AGBL4: variants seen among roughly 807,000 people sequenced by gnomAD.
The protein encoded by AGBL4 is cytosolic carboxypeptidase 6.
In AGBL4, 58 loss-of-function variants were observed where a neutral mutation model predicts 66.4. That is an observed-to-expected ratio of 0.87 (90% CI 0.71 to 1.09). The LOEUF (loss-of-function observed/expected upper bound fraction) is 1.09. Among genes scored for constraint, AGBL4 ranks in the 50% least tolerant of loss-of-function variants. AGBL4 has a pLI of 0.00. For missense variants in AGBL4, 579 were observed against 631.0 expected, an observed-to-expected ratio of 0.92 and a Z score of 0.88; for synonymous variants, 234 against 222.9, an observed-to-expected ratio of 1.05 and a Z score of -0.44.
chr1:49,512,553 CT>C (rs1031565839), intron 3 of AGBL4, among the ~76,000 whole-genome samples: 67 of 151,900 alleles, frequency 4.4e-4, no homozygotes, highest in African/African-American at 1.5e-3. Flanking sequence ...GCCACCCCCC[CT>C]CTTTCCTACT....
rs543129784 is a variant in AGBL4, at chr1:49,603,202, T to A, written c.282+94111A>T. ...GAAGTGGTGGTAAAGGAGAGGAGGG[T>A]CAGAACTAAGTAATATTATATAGGG... On this transcript the variant is annotated intron_variant, in intron 3 of 13. Coordinates refer to ENST00000371839, the MANE Select transcript of AGBL4 (RefSeq NM_032785.4). 1.6e-4 allele frequency among the ~76,000 whole-genome samples: 24 copies of A among 151,568 alleles called. No homozygotes were observed. The South Asian group carries it at 4.4e-3, about 28-fold the overall frequency.
At chr1:49,221,939 T>C (rs1054831594) in intron 4 of AGBL4, among the ~76,000 whole-genome samples, 3 of 152,128 alleles carry the variant, frequency 2.0e-5, no homozygotes, top group African/African-American at 4.8e-5. Context: ...CTGCATAGCA[T>C]TCTTTTTTAC....
intron 3 of AGBL4, among the ~76,000 whole-genome samples, chr1:49,649,183 G>A (rs1009844318): frequency 2.1e-4 from 32 of 151,688 alleles, no homozygotes; most frequent in African/African-American, 7.5e-4. Flanking sequence ...TGGTAACAAC[G>A]GATAGTAAAA....
intron 1 of AGBL4, among the ~76,000 whole-genome samples, chr1:49,865,088 G>T (rs534300306): frequency 5.9e-5 from 9 of 152,154 alleles, no homozygotes; most frequent in African/African-American, 2.2e-4. Flanking sequence ...AGGGGTTTAC[G>T]GACAAAACTC....
At chr1:49,943,457 T>C (rs1341335709) in intron 1 of AGBL4, among the ~76,000 whole-genome samples, 1 of 152,094 alleles carries the variant, frequency 6.6e-6, no homozygotes. Flanking sequence ...ATACTCTAAG[T>C]GCCCAAACTG....
intron 6 of AGBL4, chr1:48,759,087 C>A (rs759381131): frequency 6.2e-7 from 1 of 1,612,346 alleles, no homozygotes; most frequent in Non-Finnish European, 8.5e-7. Flanking sequence ...AGTTGCGCAG[C>A]AGCTCCTCAT....
chr1:49,677,246 CCCAATGTCTAGT>C (rs1228377995), intron 3 of AGBL4, among the ~76,000 whole-genome samples: 2 of 151,932 alleles, frequency 1.3e-5, no homozygotes, highest in East Asian at 1.9e-4. Flanking sequence ...TCTCTGTAAC[CCCAATGTCTAGT>C]CCAATCTCTA....
intron 1 of AGBL4, among the ~76,000 whole-genome samples, chr1:49,949,013 G>A (rs544693345): frequency 6.6e-6 from 1 of 151,754 alleles, no homozygotes; most frequent in African/African-American, 2.4e-5. Flanking sequence ...TAGACCAATG[G>A]AACATAATAG....
intron 3 of AGBL4, among the ~76,000 whole-genome samples, chr1:49,590,387 T>C (rs1240692918): frequency 6.7e-6 from 1 of 150,310 alleles, no homozygotes; most frequent in Non-Finnish European, 1.5e-5. Context: ...AAAGAATTTG[T>C]ACAGAAGGAA....
chr1:49,145,901 A>T (rs1270564901), intron 4 of AGBL4, among the ~76,000 whole-genome samples: 2 of 152,246 alleles, frequency 1.3e-5, no homozygotes, highest in Admixed American at 1.3e-4. Context: ...TGGTGCTTAT[A>T]CATAATGGAG....
intron 4 of AGBL4, among the ~76,000 whole-genome samples, chr1:49,075,119 A>G (rs960322306): frequency 2.0e-5 from 3 of 152,204 alleles, no homozygotes; most frequent in Non-Finnish European, 4.4e-5. Flanking sequence ...TTTTGAACAT[A>G]ATGTTTTTTG....
chr1:49,092,466 A>G (rs1439638304), intron 4 of AGBL4, among the ~76,000 whole-genome samples: 2 of 152,136 alleles, frequency 1.3e-5, no homozygotes, highest in Non-Finnish European at 2.9e-5. Flanking sequence ...AATAACCTCA[A>G]CAAACTTGCT....
chr1:48,926,474 G>A (rs190329614), intron 5 of AGBL4, among the ~76,000 whole-genome samples: 22 of 150,700 alleles, frequency 1.5e-4, no homozygotes, highest in Non-Finnish European at 2.2e-4. Context: ...TTTTAGTAGA[G>A]ATGGGGGTTT....
chr1:49,895,422 G>A (rs1028941910), intron 1 of AGBL4, among the ~76,000 whole-genome samples: 1 of 151,928 alleles, frequency 6.6e-6, no homozygotes, highest in Non-Finnish European at 1.5e-5. Flanking sequence ...TTGTAAATGT[G>A]TAAGTTACTC....
At position 48,973,519 on chromosome 1, in the gene AGBL4, T is replaced by A. The variant is rs1320482926; in HGVS notation, c.594+72065A>T. On this transcript the variant is annotated intron_variant, in intron 5 of 13. Coordinates refer to ENST00000371839, the MANE Select transcript of AGBL4 (RefSeq NM_032785.4). The stretch of plus-strand genomic sequence containing the variant: ...AAGAAAACAGTTAGTGGCCTACTTA[T>A]GCTTTGTCTCAAGAAATAGAACAGG... Among the ~76,000 whole-genome samples, 7 of 152,170 alleles carry A rather than the reference T, an allele frequency of 4.6e-5. No individual in the cohort carries two copies. The South Asian group carries it at 1.4e-3, about 31-fold the overall frequency.
At chr1:49,832,513 G>A (rs1214265719) in intron 2 of AGBL4, among the ~76,000 whole-genome samples, 1 of 151,586 alleles carries the variant, frequency 6.6e-6, no homozygotes, top group East Asian at 1.9e-4. Flanking sequence ...TATATACCCA[G>A]TAATGGGATG....
intron 4 of AGBL4, among the ~76,000 whole-genome samples, chr1:49,103,949 T>C (rs535533412): frequency 4.6e-4 from 70 of 152,252 alleles, no homozygotes; most frequent in African/African-American, 1.2e-3. Context: ...GATTTTCACA[T>C]TCAAATCCCT....
At chr1:48,731,225 G>A (rs1648073996) in intron 6 of AGBL4, among the ~76,000 whole-genome samples, 1 of 151,918 alleles carries the variant, frequency 6.6e-6, no homozygotes. Context: ...AAAAACAGTG[G>A]TTATATTGTG....
intron 3 of AGBL4, among the ~76,000 whole-genome samples, chr1:49,438,452 C>A (rs192729124): frequency 2.6e-5 from 4 of 152,306 alleles, no homozygotes; most frequent in Admixed American, 2.6e-4. Context: ...GCCCTTGTAT[C>A]TTCTTTATGG....
Sources: allele counts gnomAD v4.1 joint callset (sites outside exome capture counted in the v4.1 genomes callset), GRCh38; gene constraint gnomAD v4.1.1; transcripts MANE v1.5; gene names NCBI Gene and HGNC (gene_info 2026-07-23, HGNC 2026-07-21).